Variants in DAB1 observed in about 807,000 individuals in gnomAD.
DAB1 encodes the protein DAB adaptor protein 1, also known as disabled homolog 1.
A neutral mutation model predicts 64.6 loss-of-function variants in DAB1; 15 were observed. The observed-to-expected ratio is 0.23, with a 90% CI of 0.16 to 0.36. The LOEUF (loss-of-function observed/expected upper bound fraction) is 0.36, where lower values mean the gene tolerates loss of function less well. Ranked by LOEUF, DAB1 falls within the 10% of genes least tolerant of loss-of-function variation. The pLI, the probability that DAB1 is intolerant of heterozygous loss-of-function variation, is 1.00. For synonymous variants in DAB1, 235 were observed against 251.9 expected, an observed-to-expected ratio of 0.93 and a Z score of 0.64; for missense variants, 596 against 706.7, an observed-to-expected ratio of 0.84 and a Z score of 1.78.
At chr1:57,087,437 G>C (rs1386372695) in intron 4 of DAB1, among the ~76,000 whole-genome samples, 1 of 152,232 alleles carries the variant, frequency 6.6e-6, no homozygotes, top group Non-Finnish European at 1.5e-5. Flanking sequence ...GAAGTACACT[G>C]TAAGGCACAG....
chr1:57,289,645 G>C (rs907535857), intron 2 of DAB1, among the ~76,000 whole-genome samples: 7 of 152,150 alleles, frequency 4.6e-5, no homozygotes, highest in African/African-American at 7.2e-5. Context: ...ACTTCATATA[G>C]AGTGTCAGAC....
intron 1 of DAB1, among the ~76,000 whole-genome samples, chr1:57,364,515 C>T (rs1176516973): frequency 6.6e-6 from 1 of 151,976 alleles, no homozygotes; most frequent in Non-Finnish European, 1.5e-5. Flanking sequence ...TCTATAAAGA[C>T]CTTTTCACTT....
chr1:57,576,078 A>G (rs1175622640), intron 7 of DAB1, among the ~76,000 whole-genome samples: 1 of 152,244 alleles, frequency 6.6e-6, no homozygotes, highest in East Asian at 1.9e-4. Flanking sequence ...TTGTTAAACC[A>G]ATGCACATTC....
At chr1:57,471,855 T>C (rs1205676022) in intron 7 of DAB1, among the ~76,000 whole-genome samples, 2 of 152,244 alleles carry the variant, frequency 1.3e-5, no homozygotes, top group East Asian at 1.9e-4. Flanking sequence ...ATTTTGGTCA[T>C]AGCTGAAAGC....
intron 7 of DAB1, among the ~76,000 whole-genome samples, chr1:57,552,114 T>C (rs1032495152): frequency 6.6e-6 from 1 of 152,180 alleles, no homozygotes; most frequent in Non-Finnish European, 1.5e-5. Flanking sequence ...GGCTTTACAA[T>C]GGACATTGCT....
At chr1:57,115,201 C>T (rs79659538) in intron 4 of DAB1, among the ~76,000 whole-genome samples, 7,048 of 152,204 alleles carry the variant, frequency 0.046, 301 homozygotes, top group East Asian at 0.21. Context: ...GGGTAGGCTT[C>T]GGGGCAGACA....
At chr1:57,603,305 G>C (rs540611473) in intron 7 of DAB1, among the ~76,000 whole-genome samples, 11 of 152,242 alleles carry the variant, frequency 7.2e-5, no homozygotes, top group African/African-American at 2.2e-4. Flanking sequence ...CTGTCAGTAA[G>C]GGATCCTCTC....
chr1:57,659,153 C>CTGA (rs1026166733), intron 6 of DAB1, among the ~76,000 whole-genome samples: 1 of 152,156 alleles, frequency 6.6e-6, no homozygotes, highest in African/African-American at 2.4e-5. Flanking sequence ...CCACATGTAT[C>CTGA]TGATGGCTGA....
chr1:57,885,625 T>A (rs748521442), upstream of DAB1, among the ~76,000 whole-genome samples: 4 of 152,190 alleles, frequency 2.6e-5, no homozygotes, highest in Non-Finnish European at 4.4e-5. Context: ...ACAAAATATG[T>A]TCTTACTTTT....
intron 3 of DAB1, among the ~76,000 whole-genome samples, chr1:58,398,487 G>C (rs1644542016): frequency 6.6e-6 from 1 of 152,206 alleles, no homozygotes; most frequent in Non-Finnish European, 1.5e-5. Context: ...CTTAATCCCA[G>C]GACCCTCTGT....
At chr1:58,309,049 T>C (rs1463164678) in intron 4 of DAB1, among the ~76,000 whole-genome samples, 2 of 152,186 alleles carry the variant, frequency 1.3e-5, no homozygotes, top group Non-Finnish European at 2.9e-5. Flanking sequence ...GGAATTGAGC[T>C]GAAGAAGAAA....
At chr1:57,656,776 G>T (rs1370308567) in intron 6 of DAB1, among the ~76,000 whole-genome samples, 3 of 152,118 alleles carry the variant, frequency 2.0e-5, no homozygotes, top group African/African-American at 7.2e-5. Context: ...TGTTGGTTTT[G>T]ATTACTACTT....
Position 57,520,917 on chromosome 1 carries a change from C to T in DAB1, n.625+128675G>A, listed in dbSNP as rs530900844. Reference sequence around the variant, plus strand: ...AAAGAGAGGGAGCAGGACAGTCAAGCAGAAAAGACATTGGGAAGACGTGTG... The same window carrying T: ...AAAGAGAGGGAGCAGGACAGTCAAGTAGAAAAGACATTGGGAAGACGTGTG... On this transcript the variant is annotated intron_variant and non_coding_transcript_variant, in intron 7 of 20. Coordinates refer to the DAB1 transcript ENST00000485760. 2.4e-3 allele frequency among the ~76,000 whole-genome samples: 365 copies of T among 152,042 alleles called. 1 individual carries two copies. Among genetic ancestry groups the T allele is most frequent in the African/African-American group, 8.4e-3 (350 of 41,492 alleles).
At chr1:57,085,412 G>C (rs145231644) in intron 4 of DAB1, among the ~76,000 whole-genome samples, 2 of 152,284 alleles carry the variant, frequency 1.3e-5, no homozygotes, top group African/African-American at 4.8e-5. Context: ...CAAATACCTA[G>C]GCATTCTGCA....
In DAB1 at chr1:58,143,102, C is replaced by G. The variant is rs550432573; in HGVS notation, n.387+7409G>C. Among the ~76,000 whole-genome samples the G allele has an allele frequency of 1.1e-4, 16 of 152,190 alleles. No individual in the cohort carries two copies. The South Asian group carries it at 1.5e-3, about 14-fold the overall frequency. ...GTTTCAGTAGGCCCTCCAGAAGATTCTAAAGCACACTGAAGTTTGAGGGCC... is the reference window on the plus strand; with the variant it reads ...GTTTCAGTAGGCCCTCCAGAAGATTGTAAAGCACACTGAAGTTTGAGGGCC... On this transcript the variant is annotated intron_variant and non_coding_transcript_variant, in intron 5 of 20. Transcript: ENST00000485760.
At chr1:57,728,421 G>A (rs557892967) in intron 6 of DAB1, among the ~76,000 whole-genome samples, 18 of 152,026 alleles carry the variant, frequency 1.2e-4, no homozygotes, top group Non-Finnish European at 2.6e-4. Flanking sequence ...GTGAAACCCC[G>A]GCTCTACTAA....
intron 1 of DAB1, among the ~76,000 whole-genome samples, chr1:58,533,189 G>A (rs550333873): frequency 6.6e-6 from 1 of 152,312 alleles, no homozygotes; most frequent in Admixed American, 6.5e-5. Context: ...GAACAGACAT[G>A]TATTCACAGG....
intron 1 of DAB1, among the ~76,000 whole-genome samples, chr1:57,851,747 C>T (rs12086375): frequency 0.018 from 2,678 of 152,280 alleles, 93 homozygotes; most frequent in African/African-American, 0.062. Context: ...GGTGTGAAAG[C>T]TCCAATCCCT....
chr1:58,230,545 C>T (rs188445732), intron 4 of DAB1, among the ~76,000 whole-genome samples: 1 of 152,274 alleles, frequency 6.6e-6, no homozygotes, highest in East Asian at 1.9e-4. Flanking sequence ...GCTGGCTTGA[C>T]CACTAACAAA....
Sources: allele counts gnomAD v4.1 joint callset (sites outside exome capture counted in the v4.1 genomes callset), GRCh38; gene constraint gnomAD v4.1.1; transcripts MANE v1.5; gene names NCBI Gene and HGNC (gene_info 2026-07-23, HGNC 2026-07-21).